DYNC2I1: variants seen among roughly 807,000 people sequenced by gnomAD.
DYNC2I1 encodes cytoplasmic dynein 2 intermediate chain 1.
DYNC2I1 carries 89 observed loss-of-function variants against 133.4 expected under a neutral mutation model. The observed-to-expected ratio is 0.67, with a 90% CI of 0.56 to 0.80. The LOEUF (loss-of-function observed/expected upper bound fraction) is 0.80, where lower values mean the gene tolerates loss of function less well. DYNC2I1 is among the 30% of genes least tolerant of loss of function. The pLI is 0.00. For missense variants in DYNC2I1, 1,291 were observed against 1,314.5 expected (o/e 0.98, Z 0.28); for synonymous variants, 504 against 484.3 (o/e 1.04, Z -0.54).
At chr7:158,866,656 G>A (rs976070264) in intron 1 of DYNC2I1, among the ~76,000 whole-genome samples, 1 of 151,794 alleles carries the variant, frequency 6.6e-6, no homozygotes, top group Non-Finnish European at 1.5e-5. Context: ...AGGCCGAGGT[G>A]GGGGGCTCAC....
chr7:158,914,204 G>T, intron 13 of DYNC2I1, 29 bp from the exon 14 acceptor site: 1 of 1,577,026 alleles, frequency 6.3e-7, no homozygotes, highest in Non-Finnish European at 8.6e-7. Context: ...AGTCGACTTC[G>T]TTGATTTTAT....
At position 158,879,777 on chromosome 7, in the gene DYNC2I1, C is replaced by T. The variant is rs760704544; in HGVS notation, c.667C>T (p.Arg223Ter). 43 of 1,610,858 alleles carry T rather than the reference C, an allele frequency of 2.7e-5. No individual in the cohort carries two copies. Among genetic ancestry groups the T allele is most frequent in the Non-Finnish European group, 3.2e-5 (38 of 1,179,270 alleles). Residue 223 changes from arginine to a stop codon, truncating the protein, a stop_gained, in exon 5 of 25, where the codon CGA (arginine) becomes TGA (stop). Transcript: ENST00000407559. LOFTEE classifies it high-confidence loss of function. ...ACACAGGAAGCCCAGAGAGCCAGAT[C>T]GAGACAACAAACACCGAGAAAAAAG... ...RRHRKPREPDRDNKHREKSST... is the reference protein window; with the variant it reads ...RRHRKPREPD
chr7:158,937,221 T>G (rs1259383828), intron 23 of DYNC2I1, among the ~76,000 whole-genome samples: 1 of 152,222 alleles, frequency 6.6e-6, no homozygotes, highest in Non-Finnish European at 1.5e-5. Context: ...CAAACAAATC[T>G]TGGAACTGAG....
At chr7:158,931,607 A>C (rs576257124) in intron 21 of DYNC2I1, among the ~76,000 whole-genome samples, 14 of 152,212 alleles carry the variant, frequency 9.2e-5, no homozygotes, top group African/African-American at 3.4e-4. Context: ...ATCTTTAACT[A>C]TCAGCTTCTC....
chr7:158,883,396 T>G (rs1234662862), intron 5 of DYNC2I1, among the ~76,000 whole-genome samples: 4 of 150,218 alleles, frequency 2.7e-5, no homozygotes, highest in Admixed American at 6.6e-5. Flanking sequence ...TTTTTTTTTT[T>G]GTATTTTTAG....
Position 158,911,674 on chromosome 7 carries a change from A to G in DYNC2I1, c.1585A>G (p.Lys529Glu). The G allele has an allele frequency of 6.2e-7, 1 of 1,610,062 alleles. No homozygotes were observed. Among genetic ancestry groups the G allele is most frequent in the Non-Finnish European group, 8.5e-7 (1 of 1,178,812 alleles). ...YIRNFGKKNT[K>E]QAYVQCNEDN... is the part of the protein sequence containing the mutation. ...CAGAAACTTTGGGAAAAAAAATACC[A>G]AGCAGGTAAGTATGAGATGTGTTAA... The change falls in exon 12 of 25, where the codon AAG becomes GAG. Residue 529 changes from lysine to glutamate, a missense_variant. By Grantham distance (56) the Lys-to-Glu change is moderately conservative. Coordinates refer to ENST00000407559, the MANE Select transcript of DYNC2I1 (RefSeq NM_018051.5).
chr7:158,951,236 C>G (rs1175341130), intron 4 of DYNC2I1, among the ~76,000 whole-genome samples: 1 of 152,186 alleles, frequency 6.6e-6, no homozygotes, highest in African/African-American at 2.4e-5. Flanking sequence ...GTTTTATGGA[C>G]AGTAGAGAGG....
At chr7:158,922,606 G>A (rs540336757) in intron 16 of DYNC2I1, 57 bp downstream of exon 16, 102 of 1,545,564 alleles carry the variant, frequency 6.6e-5, no homozygotes, top group East Asian at 3.0e-4. Context: ...TGGACAGAGC[G>A]TGAAGGTGCA....
Position 158,856,698 on chromosome 7 carries a change from G to A in DYNC2I1, c.-38G>A, listed in dbSNP as rs2129475388. On this transcript the variant is annotated 5_prime_UTR_variant, in exon 1 of 25. Transcript: ENST00000407559. ...TCGGGGTGGACCGCGCCTGGCCGGG[G>A]CCGAGGACACCGCGGCCGCCCGGGC... 8.1e-7 allele frequency: 1 copy of A among 1,232,710 alleles called. No homozygotes were observed. 76.4% of individuals were successfully genotyped at this position (1,232,710 alleles called of 1,614,324 possible).
At chr7:158,841,660 T>C in the DYNC2I1 span, among the ~76,000 whole-genome samples, 8 of 152,212 alleles carry the variant, frequency 5.3e-5, no homozygotes, top group Non-Finnish European at 8.8e-5. Context: ...AAATGAGCTA[T>C]TCAGAAAATA....
At chr7:158,906,143 T>C in intron 11 of DYNC2I1, 52 bp downstream of exon 11, 1 of 1,480,850 alleles carries the variant, frequency 6.8e-7, no homozygotes, top group African/African-American at 1.4e-5. Flanking sequence ...AGCTTAACTT[T>C]TCTTTCACAT....
At chr7:158,938,399 TAA>T (rs1850980376) in intron 23 of DYNC2I1, among the ~76,000 whole-genome samples, 1 of 152,192 alleles carries the variant, frequency 6.6e-6, no homozygotes, top group Non-Finnish European at 1.5e-5. Flanking sequence ...GAGGGAGGGT[TAA>T]AGTCTTTCCC....
chr7:158,944,182 G>A (rs548166672), intron 24 of DYNC2I1, among the ~76,000 whole-genome samples: 3 of 152,278 alleles, frequency 2.0e-5, no homozygotes, highest in South Asian at 4.1e-4. Flanking sequence ...GTTGGCTGTG[G>A]GGAACAGGCA....
chr7:158,951,558 C>G (rs1852053250), intron 4 of DYNC2I1, among the ~76,000 whole-genome samples: 1 of 152,352 alleles, frequency 6.6e-6, no homozygotes, highest in South Asian at 2.1e-4. Context: ...GCTGGAGCCC[C>G]AGGGCATGCT....
chr7:158,887,366 C>G (rs1306597092), intron 7 of DYNC2I1, among the ~76,000 whole-genome samples: 1 of 152,072 alleles, frequency 6.6e-6, no homozygotes, highest in African/African-American at 2.4e-5. Flanking sequence ...GAAAGTGTTA[C>G]TAGAGAGAGA....
In DYNC2I1 at chr7:158,906,060, CAA is replaced by C. The variant is rs1377701457; in HGVS notation, c.1432_1433del (p.Lys478GlufsTer7). ...GGATTTTGCCTCAGCTTCACACCGTCAAAAGAGTCGGACTCAGGCCCTTAAGC... is the reference window on the plus strand; with the variant it reads ...GGATTTTGCCTCAGCTTCACACCGTCAAGAGTCGGACTCAGGCCCTTAAGC... The part of the protein sequence containing the change: ...FVDFASASHR[Q>X]KSRTQALKQK... On this transcript the variant is annotated frameshift_variant, in exon 11 of 25. Transcript: ENST00000407559. LOFTEE classifies it high-confidence loss of function. The C allele has an allele frequency of 2.5e-6, 4 of 1,613,706 alleles. No individual in the cohort carries two copies. Among genetic ancestry groups the C allele is most frequent in the Non-Finnish European group, 2.5e-6 (3 of 1,179,744 alleles).
intron 8 of DYNC2I1, among the ~76,000 whole-genome samples, chr7:158,893,767 C>T (rs1165831206): frequency 1.3e-5 from 2 of 148,892 alleles, no homozygotes; most frequent in African/African-American, 5.0e-5. Flanking sequence ...AGTGCATATC[C>T]TACTGCATAT....
At chr7:158,877,740 A>T (rs1843502788) in intron 4 of DYNC2I1, among the ~76,000 whole-genome samples, 1 of 151,952 alleles carries the variant, frequency 6.6e-6, no homozygotes, top group Non-Finnish European at 1.5e-5. Context: ...TTGCTCTGTC[A>T]CCCAGGTTTG....
At chr7:158,839,411 C>T in the DYNC2I1 span, among the ~76,000 whole-genome samples, 1 of 150,256 alleles carries the variant, frequency 6.7e-6, no homozygotes, top group Non-Finnish European at 1.5e-5. Flanking sequence ...AATGTGACTC[C>T]GTAACACCTG....
Sources: gnomAD v4.1 joint callset for allele counts (sites outside exome capture counted in the v4.1 genomes callset) on GRCh38, gnomAD v4.1.1 for gene constraint, MANE v1.5 for transcripts, NCBI Gene and HGNC (gene_info 2026-07-23, HGNC 2026-07-21) for gene names.